The following RBP2 variants were observed in gnomAD, a reference collection of about 807,000 sequenced individuals.
RBP2 encodes retinol-binding protein 2.
In RBP2, 17 loss-of-function variants were observed where a neutral mutation model predicts 17.0. That is an observed-to-expected ratio of 1.00 (90% CI 0.68 to 1.50). The LOEUF (loss-of-function observed/expected upper bound fraction) is 1.50. Among genes scored for constraint, RBP2 ranks in the 40% most tolerant of loss-of-function variants. RBP2 has a pLI of 0.00. For missense variants in RBP2, 158 were observed against 168.2 expected, an observed-to-expected ratio of 0.94 and a Z score of 0.33; for synonymous variants, 48 against 57.1, an observed-to-expected ratio of 0.84 and a Z score of 0.72.
intron 1 of RBP2, among the ~76,000 whole-genome samples, chr3:139,463,412 TCCTGA>T (rs1933259827): frequency 6.6e-6 from 1 of 152,158 alleles, no homozygotes; most frequent in East Asian, 1.9e-4. Flanking sequence ...TGTTTTGATC[TCCTGA>T]CCTTGTGATC....
At chr3:139,469,178 A>C (rs1933465387) in intron 1 of RBP2, among the ~76,000 whole-genome samples, 1 of 152,196 alleles carries the variant, frequency 6.6e-6, no homozygotes, top group South Asian at 2.1e-4. Flanking sequence ...TGGACTCCTT[A>C]ATTCTCAAAT....
rs748931216 is a variant in RBP2 at position 139,462,136 on chromosome 3, C to T, written c.228G>A (p.Lys76=). ...TVGVEFDEYT[K]SLDNRHVKAL... ...CCTTAACATGCCGGTTATCCAGGCT[C>T]TTTGTGTACTCGTCAAACTCTACTC... The change falls in exon 2 of 4, where the codon AAG becomes AAA. Residue 76 remains lysine, a synonymous_variant. Coordinates refer to ENST00000232217, the MANE Select transcript of RBP2 (RefSeq NM_004164.3). The T allele has an allele frequency of 3.1e-6, 5 of 1,613,994 alleles. No homozygotes were observed. Among genetic ancestry groups the T allele is most frequent in the African/African-American group, 2.7e-5 (2 of 74,896 alleles).
At chr3:139,463,188 CT>C (rs922779409) in intron 1 of RBP2, among the ~76,000 whole-genome samples, 5 of 150,968 alleles carry the variant, frequency 3.3e-5, no homozygotes, top group Non-Finnish European at 5.9e-5. Context: ...GAGATTTCTT[CT>C]TTTTTTTTCT....
chr3:139,463,379 GTTTTCACCA>G (rs1165205276), intron 1 of RBP2, among the ~76,000 whole-genome samples: 2 of 151,972 alleles, frequency 1.3e-5, no homozygotes, highest in Non-Finnish European at 2.9e-5. Flanking sequence ...ATAGAGATCG[GTTTTCACCA>G]TTTTAGCCAG....
At chr3:139,476,041 A>T in intron 1 of RBP2, among the ~76,000 whole-genome samples, 1 of 152,186 alleles carries the variant, frequency 6.6e-6, no homozygotes, top group East Asian at 1.9e-4. Flanking sequence ...GTTATCAGAG[A>T]GATGGTGGTC....
At chr3:139,473,392 A>G (rs1328232384) in intron 1 of RBP2, among the ~76,000 whole-genome samples, 1 of 152,252 alleles carries the variant, frequency 6.6e-6, no homozygotes, top group African/African-American at 2.4e-5. Flanking sequence ...CCCACATCTC[A>G]GTAGAGTTGC....
At chr3:139,453,553 C>T (rs1354622396) in intron 3 of RBP2, among the ~76,000 whole-genome samples, 1 of 152,216 alleles carries the variant, frequency 6.6e-6, no homozygotes, top group Non-Finnish European at 1.5e-5. Context: ...GTGAGCTGCC[C>T]CTCCACCCTG....
intron 2 of RBP2, among the ~76,000 whole-genome samples, chr3:139,456,964 T>A (rs1202726542): frequency 1.3e-5 from 2 of 152,184 alleles, no homozygotes; most frequent in Non-Finnish European, 2.9e-5. Flanking sequence ...CTTTGGACTC[T>A]GAGTTTTCCT....
At chr3:139,465,050 T>C (rs1933311608) in intron 1 of RBP2, among the ~76,000 whole-genome samples, 1 of 152,234 alleles carries the variant, frequency 6.6e-6, no homozygotes, top group African/African-American at 2.4e-5. Flanking sequence ...GAGAGGTCAG[T>C]CTACTTGTCT....
chr3:139,459,989 G>GGAGTGTGTT (rs1933133097), intron 2 of RBP2, among the ~76,000 whole-genome samples: 2 of 152,132 alleles, frequency 1.3e-5, no homozygotes, highest in Admixed American at 6.5e-5. Flanking sequence ...AAGAAAGGTA[G>GGAGTGTGTT]GAGTGTGTTA....
intron 2 of RBP2, 73 bp from the exon 3 acceptor site, chr3:139,454,903 C>CAGG: frequency 2.1e-6 from 3 of 1,423,210 alleles, no homozygotes; most frequent in Non-Finnish European, 3.0e-6. Flanking sequence ...CCTGCAGCTG[C>CAGG]AATTCCTGCA....
At chr3:139,466,484 G>A (rs1447129659) in intron 1 of RBP2, 1 of 152,222 alleles carries the variant, frequency 6.6e-6, no homozygotes, top group African/African-American at 2.4e-5. Flanking sequence ...GTTCTAGTGA[G>A]TACAAGCACA....
At chr3:139,457,107 A>T (rs1932998599) in intron 2 of RBP2, among the ~76,000 whole-genome samples, 1 of 152,198 alleles carries the variant, frequency 6.6e-6, no homozygotes, top group Non-Finnish European at 1.5e-5. Flanking sequence ...TGTCTCCCCC[A>T]GTAGACAGTA....
intron 3 of RBP2, among the ~76,000 whole-genome samples, chr3:139,454,165 A>G (rs543301057): frequency 2.6e-5 from 4 of 152,342 alleles, no homozygotes; most frequent in Admixed American, 1.3e-4. Flanking sequence ...AAGATTGAAG[A>G]ATAAAAAATT....
At chr3:139,459,547 T>C (rs1933113868) in intron 2 of RBP2, among the ~76,000 whole-genome samples, 1 of 150,404 alleles carries the variant, frequency 6.6e-6, no homozygotes, top group African/African-American at 2.4e-5. Context: ...TGCTTGAACC[T>C]GGGAGGTGGA....
chr3:139,460,523 C>A (rs1423248520), intron 2 of RBP2, among the ~76,000 whole-genome samples: 1 of 152,092 alleles, frequency 6.6e-6, no homozygotes, highest in Non-Finnish European at 1.5e-5. Flanking sequence ...TTAATTGTCA[C>A]CAAATAATAA....
At chr3:139,475,317 C>G (rs1933700071) in intron 1 of RBP2, among the ~76,000 whole-genome samples, 2 of 124,556 alleles carry the variant, frequency 1.6e-5, no homozygotes, top group African/African-American at 7.4e-5. Context: ...AGACTCTGTC[C>G]CCAAAATAAA....
chr3:139,475,146 C>A (rs1342373406), intron 1 of RBP2, among the ~76,000 whole-genome samples: 1 of 151,498 alleles, frequency 6.6e-6, no homozygotes, highest in African/African-American at 2.4e-5. Flanking sequence ...ATAGTGAAAT[C>A]CGTCTCTATT....
Position 139,462,138 on chromosome 3 carries a change from T to C in RBP2, c.226A>G (p.Lys76Glu). 6.2e-7 allele frequency: 1 copy of C among 1,614,172 alleles called. No individual in the cohort carries two copies. The highest frequency in any genetic ancestry group is 1.3e-5 in the African/African-American group (1 of 75,032). The change falls in exon 2 of 4, where the codon AAG becomes GAG. Residue 76 changes from lysine to glutamate, a missense_variant. Coordinates refer to ENST00000232217, the MANE Select transcript of RBP2 (RefSeq NM_004164.3). ...TVGVEFDEYT[K>E]SLDNRHVKAL... ...TTAACATGCCGGTTATCCAGGCTCT[T>C]TGTGTACTCGTCAAACTCTACTCCA... is the stretch of plus-strand genomic sequence containing the variant.
Sources: allele counts gnomAD v4.1 joint callset (sites outside exome capture counted in the v4.1 genomes callset), GRCh38; gene constraint gnomAD v4.1.1; transcripts MANE v1.5; gene names NCBI Gene and HGNC (gene_info 2026-07-23, HGNC 2026-07-21).